USP28: variants seen among roughly 807,000 people sequenced by gnomAD.
USP28 encodes ubiquitin carboxyl-terminal hydrolase 28.
In USP28, 113 loss-of-function variants were observed where a neutral mutation model predicts 145.0. The observed-to-expected ratio is 0.78, with a 90% CI of 0.67 to 0.91. USP28 has a LOEUF of 0.91. USP28 is among the 40% of genes least tolerant of loss of function. The pLI is 0.00. For missense variants in USP28, 1,201 were observed against 1,289.6 expected, an observed-to-expected ratio of 0.93 and a Z score of 1.05; for synonymous variants, 447 against 450.9, an observed-to-expected ratio of 0.99 and a Z score of 0.11.
chr11:113,834,377 A>T (rs747456692), intron 5 of USP28, 42 bp from the exon 6 acceptor site: 4 of 1,382,470 alleles, frequency 2.9e-6, no homozygotes, highest in Non-Finnish European at 4.0e-6. Flanking sequence ...TTTCCTGAAA[A>T]TAACTGCAGC....
Position 113,806,485 on chromosome 11 carries a change from A to G in USP28, c.2400+4T>C. On this transcript the variant is annotated splice_donor_region_variant and intron_variant, in intron 19 of 24. Coordinates refer to ENST00000003302, the Ensembl canonical transcript of USP28. The stretch of plus-strand genomic sequence containing the variant: ...AAGAATTAGAATTTTAAAAACAGAG[A>G]TACCTTAATCAGCCCTGCTTCAGAC... The G allele has an allele frequency of 1.2e-6, 2 of 1,609,346 alleles. No homozygotes were observed. The highest frequency in any genetic ancestry group is 1.7e-6 in the Non-Finnish European group (2 of 1,176,538).
At chr11:113,854,592 G>A (rs1346317146) in intron 1 of USP28, among the ~76,000 whole-genome samples, 1 of 152,146 alleles carries the variant, frequency 6.6e-6, no homozygotes. Flanking sequence ...AGTAGTGACG[G>A]GGTTTCACAT....
At chr11:113,812,193 T>C in intron 16 of USP28, 83 bp downstream of exon 16, 2 of 936,064 alleles carry the variant, frequency 2.1e-6, no homozygotes, top group East Asian at 5.2e-5. Flanking sequence ...TTGTAAATTT[T>C]TTAAAAAGCA....
intron 5 of USP28, among the ~76,000 whole-genome samples, chr11:113,839,995 A>G (rs1349112364): frequency 6.6e-6 from 1 of 152,184 alleles, no homozygotes; most frequent in Non-Finnish European, 1.5e-5. Flanking sequence ...TGGGCAACAG[A>G]GCGAGACACT....
At chr11:113,804,152 T>G (rs1463208149) in intron 21 of USP28, among the ~76,000 whole-genome samples, 1 of 152,226 alleles carries the variant, frequency 6.6e-6, no homozygotes, top group African/African-American at 2.4e-5. Context: ...AACAGCTATG[T>G]AAAAGATATT....
rs1241267640 is a variant in USP28, at chr11:113,805,499, AC to A, written c.2401-454del. On this transcript the variant is annotated intron_variant, in intron 19 of 24. Transcript: ENST00000003302. ...TCAAACTCCTGAGCTCAAGCAATCC[AC>A]CCACTTTGGCCTCCCAAAGTGCTGG... 2.6e-5 allele frequency among the ~76,000 whole-genome samples: 4 copies of A among 151,998 alleles called. No individual in the cohort carries two copies. In the East Asian group the frequency reaches 7.8e-4, roughly 29 times the overall value.
intron 12 of USP28, among the ~76,000 whole-genome samples, chr11:113,818,881 C>T (rs1348737906): frequency 3.4e-5 from 5 of 145,060 alleles, no homozygotes; most frequent in Non-Finnish European, 7.6e-5. Context: ...AAACAAAACA[C>T]CAAAAAAAAA....
chr11:113,862,400 G>A (rs1565498141), intron 1 of USP28, among the ~76,000 whole-genome samples: 1 of 152,138 alleles, frequency 6.6e-6, no homozygotes, highest in African/African-American at 2.4e-5. Context: ...GATTACAAAG[G>A]GTTCTAAATG....
intron 1 of USP28, among the ~76,000 whole-genome samples, chr11:113,860,442 CAAAA>C (rs4020501): frequency 7.4e-6 from 1 of 134,608 alleles, no homozygotes; most frequent in Non-Finnish European, 1.6e-5. Context: ...CCAAGGGAAG[CAAAA>C]AAAAAAAAAA....
rs751545151 is a variant in USP28, at chr11:113,804,995, T to TG, written c.2451dup (p.Thr818HisfsTer5). On this transcript the variant is annotated frameshift_variant, in exon 20 of 25. Transcript: ENST00000003302. LOFTEE classifies it high-confidence loss of function. The stretch of plus-strand genomic sequence containing the variant: ...TGAAGTCGAGGATCACTGTGAGAGG[T>TG]GGGGGTCTCTTTGGCAAGCTGATAG... The TG allele has an allele frequency of 6.2e-7, 1 of 1,613,654 alleles. No homozygotes were observed. Among genetic ancestry groups the TG allele is most frequent in the African/African-American group, 1.3e-5 (1 of 74,752 alleles).
At chr11:113,841,533 T>C (rs1945191632) in intron 4 of USP28, 130 bp downstream of exon 4, 1 of 578,170 alleles carries the variant, frequency 1.7e-6, no homozygotes, top group Admixed American at 3.3e-5. Context: ...TAATGCAAAT[T>C]CAAAATTTCT....
intron 15 of USP28, 39 bp downstream of exon 15, chr11:113,813,846 C>T: frequency 6.5e-7 from 1 of 1,533,370 alleles, no homozygotes; most frequent in East Asian, 2.3e-5. Context: ...CTACCATTAG[C>T]ACATGCCTTG....
At chr11:113,801,415 A>G (rs1938990736) in intron 24 of USP28, 68 bp downstream of exon 25, 5 of 1,303,580 alleles carry the variant, frequency 3.8e-6, no homozygotes, top group Middle Eastern at 2.0e-4. Flanking sequence ...AACCAGTGCT[A>G]TCAAGTGAGA....
At chr11:113,841,798 T>TA in intron 3 of USP28, 30 bp from the exon 4 acceptor site, 1 of 1,490,584 alleles carries the variant, frequency 6.7e-7, no homozygotes, top group Non-Finnish European at 9.2e-7. Context: ...TTAATTAGTC[T>TA]ATATATAGGA....
chr11:113,843,048 T>C (rs1386539174), intron 3 of USP28, among the ~76,000 whole-genome samples: 1 of 151,846 alleles, frequency 6.6e-6, no homozygotes, highest in Non-Finnish European at 1.5e-5. Flanking sequence ...CTGGCCAACA[T>C]GGTGGAACCT....
chr11:113,875,123 C>T (rs1949242854), intron 1 of USP28, among the ~76,000 whole-genome samples: 1 of 152,198 alleles, frequency 6.6e-6, no homozygotes, highest in South Asian at 2.1e-4. Flanking sequence ...TTTCTCACCC[C>T]GGACGGGGCC....
intron 3 of USP28, among the ~76,000 whole-genome samples, chr11:113,842,132 A>G (rs535568179): frequency 1.3e-5 from 2 of 152,242 alleles, no homozygotes; most frequent in African/African-American, 4.8e-5. Flanking sequence ...CTCATACAAA[A>G]TATTCCAGAG....
exon 15 of USP28, chr11:113,813,895 A>G: frequency 6.2e-7 from 1 of 1,612,830 alleles, no homozygotes; most frequent in South Asian, 1.1e-5. Flanking sequence ...CTGACGAAGG[A>G]GAGGATCGCA....
At chr11:113,875,234 C>A (rs1054047316) in intron 1 of USP28, among the ~76,000 whole-genome samples, 7 of 152,252 alleles carry the variant, frequency 4.6e-5, no homozygotes, top group South Asian at 4.1e-4. Flanking sequence ...AACTTCAGCT[C>A]GCCCACGGAC....
Sources: allele counts gnomAD v4.1 joint callset (sites outside exome capture counted in the v4.1 genomes callset), GRCh38; gene constraint gnomAD v4.1.1; transcripts MANE v1.5; gene names NCBI Gene and HGNC (gene_info 2026-07-23, HGNC 2026-07-21).